SCHIP1: variants seen among roughly 807,000 people sequenced by gnomAD.
The protein encoded by SCHIP1 is schwannomin-interacting protein 1.
SCHIP1 carries 8 observed loss-of-function variants against 29.7 expected under a neutral mutation model. That is an observed-to-expected ratio of 0.27 (90% CI 0.16 to 0.49). The LOEUF (loss-of-function observed/expected upper bound fraction) is 0.49, where lower values mean the gene tolerates loss of function less well. Ranked by LOEUF, SCHIP1 falls within the 20% of genes least tolerant of loss-of-function variation. SCHIP1 has a pLI of 0.99. For synonymous variants in SCHIP1, 76 were observed against 94.9 expected (o/e 0.80, Z 1.16); for missense variants, 193 against 294.6 (o/e 0.66, Z 2.52).
intron 2 of SCHIP1, among the ~76,000 whole-genome samples, chr3:159,872,995 T>C (rs1715432693): frequency 6.6e-6 from 1 of 152,212 alleles, no homozygotes; most frequent in Non-Finnish European, 1.5e-5. Flanking sequence ...GAGCACATAA[T>C]AGTATTTGAA....
At chr3:159,304,530 G>A in the SCHIP1 span, among the ~76,000 whole-genome samples, 1 of 152,090 alleles carries the variant, frequency 6.6e-6, no homozygotes, top group African/African-American at 2.4e-5. Flanking sequence ...TCTCATATGG[G>A]TCTTATATTT....
the SCHIP1 span, among the ~76,000 whole-genome samples, chr3:159,315,791 G>A: frequency 6.6e-6 from 1 of 152,044 alleles, no homozygotes; most frequent in African/African-American, 2.4e-5. Flanking sequence ...GAGTAGAACA[G>A]CAAGATTAAA....
the SCHIP1 span, among the ~76,000 whole-genome samples, chr3:159,379,895 A>G: frequency 1.3e-5 from 2 of 152,204 alleles, no homozygotes; most frequent in African/African-American, 4.8e-5. Context: ...TGTACTATGC[A>G]TGAAAGAAAT....
At chr3:159,651,382 G>T in the SCHIP1 span, among the ~76,000 whole-genome samples, 1 of 152,120 alleles carries the variant, frequency 6.6e-6, no homozygotes, top group Admixed American at 6.6e-5. Context: ...AAATTTAGAA[G>T]TGTCCCCATG....
At chr3:159,334,747 C>T in the SCHIP1 span, among the ~76,000 whole-genome samples, 1 of 152,078 alleles carries the variant, frequency 6.6e-6, no homozygotes, top group Non-Finnish European at 1.5e-5. Flanking sequence ...CGTATTCCAT[C>T]GTATGGTTGT....
At chr3:159,480,847 A>G in the SCHIP1 span, among the ~76,000 whole-genome samples, 1 of 152,148 alleles carries the variant, frequency 6.6e-6, no homozygotes, top group Admixed American at 6.6e-5. Context: ...TTGAGCAACA[A>G]GGCTGTTTAT....
the SCHIP1 span, among the ~76,000 whole-genome samples, chr3:159,824,582 A>G: frequency 2.6e-5 from 4 of 152,226 alleles, no homozygotes; most frequent in South Asian, 4.1e-4. Context: ...CCTGTACTCT[A>G]TGTACTCTTG....
chr3:159,431,568 T>C, the SCHIP1 span, among the ~76,000 whole-genome samples: 2 of 151,890 alleles, frequency 1.3e-5, no homozygotes, highest in South Asian at 4.1e-4. Context: ...GCAGAAAAGA[T>C]TGGACTCAAA....
chr3:159,784,104 A>G, the SCHIP1 span, among the ~76,000 whole-genome samples: 2 of 152,340 alleles, frequency 1.3e-5, no homozygotes, highest in East Asian at 3.9e-4. Context: ...AGCAAAGGAT[A>G]ATTACCGTGT....
chr3:159,534,534 G>A, the SCHIP1 span, among the ~76,000 whole-genome samples: 1 of 152,216 alleles, frequency 6.6e-6, no homozygotes, highest in African/African-American at 2.4e-5. Context: ...TCTTCAGTAT[G>A]TGCTTCTCAA....
At chr3:159,465,587 T>C in the SCHIP1 span, among the ~76,000 whole-genome samples, 1 of 152,074 alleles carries the variant, frequency 6.6e-6, no homozygotes, top group Non-Finnish European at 1.5e-5. Flanking sequence ...GGGGGATAAA[T>C]ACTGACTAAG....
At chr3:159,813,124 CCAAGCT>C in the SCHIP1 span, among the ~76,000 whole-genome samples, 1 of 152,156 alleles carries the variant, frequency 6.6e-6, no homozygotes, top group Non-Finnish European at 1.5e-5. Context: ...ACGTTGGGGA[CCAAGCT>C]TCAACATGAG....
intron 2 of SCHIP1, among the ~76,000 whole-genome samples, chr3:159,868,385 T>G (rs1209120410): frequency 6.6e-6 from 1 of 152,096 alleles, no homozygotes; most frequent in Non-Finnish European, 1.5e-5. Flanking sequence ...AGATAGTGAT[T>G]TAGCTCTTTT....
the SCHIP1 span, among the ~76,000 whole-genome samples, chr3:159,423,720 T>C: frequency 4.3e-4 from 65 of 152,254 alleles, no homozygotes; most frequent in East Asian, 0.012. Context: ...TCTCCCAGCA[T>C]GCAGCTGGAG....
the SCHIP1 span, among the ~76,000 whole-genome samples, chr3:159,329,408 GA>G: frequency 6.6e-6 from 1 of 152,198 alleles, no homozygotes; most frequent in Non-Finnish European, 1.5e-5. Flanking sequence ...GGGCAGGAAA[GA>G]AAAGATGGTC....
the SCHIP1 span, among the ~76,000 whole-genome samples, chr3:159,305,763 T>A: frequency 6.6e-6 from 1 of 152,204 alleles, no homozygotes; most frequent in African/African-American, 2.4e-5. Flanking sequence ...ATTCTTTGAT[T>A]TAGATAAGAA....
chr3:159,648,502 T>C, the SCHIP1 span, among the ~76,000 whole-genome samples: 4 of 152,184 alleles, frequency 2.6e-5, no homozygotes, highest in Admixed American at 6.6e-5. Flanking sequence ...TTTAGCACAG[T>C]GCTAGACACA....
chr3:159,395,319 T>G, the SCHIP1 span, among the ~76,000 whole-genome samples: 9 of 152,356 alleles, frequency 5.9e-5, no homozygotes, highest in Middle Eastern at 6.8e-3. Context: ...CTCTATTTCC[T>G]TCAGTTCTGC....
chr3:159,378,984 G>C, the SCHIP1 span, among the ~76,000 whole-genome samples: 1 of 152,178 alleles, frequency 6.6e-6, no homozygotes, highest in Non-Finnish European at 1.5e-5. Context: ...CCGGCCAGTG[G>C]ACAATGGAGG....
Sources: gnomAD v4.1 joint callset for allele counts (sites outside exome capture counted in the v4.1 genomes callset) on GRCh38, gnomAD v4.1.1 for gene constraint, MANE v1.5 for transcripts, NCBI Gene and HGNC (gene_info 2026-07-23, HGNC 2026-07-21) for gene names.